ARHGEF3: variants seen among roughly 807,000 people sequenced by gnomAD.
ARHGEF3 encodes the protein Rho guanine nucleotide exchange factor 3.
In ARHGEF3, 28 loss-of-function variants were observed where a neutral mutation model predicts 63.2. That is an observed-to-expected ratio of 0.44 (90% CI 0.33 to 0.61). ARHGEF3 has a LOEUF of 0.61. Among genes scored for constraint, ARHGEF3 ranks in the 20% least tolerant of loss-of-function variants. ARHGEF3 has a pLI of 0.03. For missense variants in ARHGEF3, 533 were observed against 659.3 expected (o/e 0.81, Z 2.10); for synonymous variants, 266 against 254.2 (o/e 1.05, Z -0.44).
intron 3 of ARHGEF3, among the ~76,000 whole-genome samples, chr3:56,889,046 G>A (rs1317265964): frequency 6.6e-6 from 1 of 152,030 alleles, no homozygotes; most frequent in African/African-American, 2.4e-5. Context: ...AGTGAACATT[G>A]CCAGAGACTC....
Position 56,968,233 on chromosome 3 carries a change from T to G in ARHGEF3, c.63-9344A>C, listed in dbSNP as rs1238674391. The stretch of plus-strand genomic sequence containing the variant: ...ATATATATTATATATAATATATATA[T>G]AAATATATATATTAATATATAATAT... On this transcript the variant is annotated intron_variant, in intron 2 of 12. Coordinates refer to the ARHGEF3 transcript ENST00000338458. 5.4e-5 allele frequency among the ~76,000 whole-genome samples: 2 copies of G among 37,154 alleles called. 1 individual carries two copies. Among genetic ancestry groups the G allele is most frequent in the African/African-American group, 1.8e-4 (2 of 11,270 alleles). The allele number at this position is 37,154 out of a possible 152,430, so 24.4% of individuals were successfully genotyped here. A position where few individuals can be genotyped will look rare whatever the true frequency, so the allele number is the denominator to read the frequency against.
intron 7 of ARHGEF3, among the ~76,000 whole-genome samples, chr3:56,742,041 A>G (rs1457153192): frequency 2.0e-5 from 3 of 152,222 alleles, no homozygotes; most frequent in African/African-American, 7.2e-5. Context: ...TCATCCTCAA[A>G]GTGGACTCTG....
At chr3:57,073,814 C>A (rs201831830) in intron 1 of ARHGEF3, 1 of 1,614,220 alleles carries the variant, frequency 6.2e-7, no homozygotes, top group East Asian at 2.2e-5. Context: ...TTGGGTCATC[C>A]ACCCAACATC....
At chr3:56,954,245 T>C (rs1415882278) in intron 3 of ARHGEF3, among the ~76,000 whole-genome samples, 1 of 152,164 alleles carries the variant, frequency 6.6e-6, no homozygotes, top group East Asian at 1.9e-4. Context: ...TTACAGGCAA[T>C]GGCAGGAGCT....
chr3:56,808,648 TTTG>T (rs1381941462), intron 4 of ARHGEF3, among the ~76,000 whole-genome samples: 2 of 151,920 alleles, frequency 1.3e-5, no homozygotes, highest in Admixed American at 1.3e-4. Context: ...AGCAAATTTT[TTTG>T]TTTTTTCAAA....
intron 1 of ARHGEF3, among the ~76,000 whole-genome samples, chr3:57,042,694 A>ATTT (rs1340824293): frequency 2.4e-5 from 1 of 41,878 alleles, no homozygotes; most frequent in African/African-American, 8.1e-5. Flanking sequence ...ATATATATAT[A>ATTT]TATATATTTT....
At chr3:56,729,754 A>C (rs2032990160) in intron 9 of ARHGEF3, 132 bp from the exon 10 acceptor site, 1 of 733,062 alleles carries the variant, frequency 1.4e-6, no homozygotes, top group Non-Finnish European at 2.2e-6. Context: ...TTTCCCACTG[A>C]TCTGGGGCAT....
At chr3:56,936,249 C>G (rs908284067) in intron 3 of ARHGEF3, among the ~76,000 whole-genome samples, 1 of 152,030 alleles carries the variant, frequency 6.6e-6, no homozygotes, top group African/African-American at 2.4e-5. Context: ...GGAGGAGACA[C>G]CGGGAGCAGA....
intron 2 of ARHGEF3, among the ~76,000 whole-genome samples, chr3:57,002,479 T>TTATATATATATATATATATATATA: frequency 5.1e-5 from 2 of 39,466 alleles, no homozygotes; most frequent in African/African-American, 3.0e-4. Context: ...TATATATATG[T>TTATATATATATATATATATATATA]TATATATATA....
At chr3:56,934,298 G>A (rs889133799) in intron 3 of ARHGEF3, among the ~76,000 whole-genome samples, 6 of 152,234 alleles carry the variant, frequency 3.9e-5, no homozygotes, top group Admixed American at 1.3e-4. Flanking sequence ...ACGTGACAGC[G>A]TGCTGGCAGT....
intron 2 of ARHGEF3, among the ~76,000 whole-genome samples, chr3:56,990,806 G>A (rs1451821728): frequency 6.6e-6 from 1 of 152,204 alleles, no homozygotes; most frequent in African/African-American, 2.4e-5. Context: ...ATGAATGGCA[G>A]AGCTTAAATT....
At chr3:57,060,692 G>GCTCAC (rs976916180) in intron 1 of ARHGEF3, 5 of 152,282 alleles carry the variant, frequency 3.3e-5, no homozygotes, top group African/African-American at 1.2e-4. Context: ...CTTTGTGCAG[G>GCTCAC]CTCACCTTCC....
At chr3:56,974,847 T>C (rs190389889) in intron 2 of ARHGEF3, among the ~76,000 whole-genome samples, 156 of 152,298 alleles carry the variant, frequency 1.0e-3, no homozygotes, top group Non-Finnish European at 2.0e-3. Flanking sequence ...CAGATTGTTA[T>C]TTTTCTAAAG....
At chr3:56,732,129 G>T in intron 9 of ARHGEF3, 109 bp downstream of exon 9, 1 of 1,265,840 alleles carries the variant, frequency 7.9e-7, no homozygotes, top group Non-Finnish European at 1.1e-6. Context: ...GCATACAAAT[G>T]CAGTTTGACT....
At chr3:56,795,305 C>A (rs377455978) in intron 1 of ARHGEF3, among the ~76,000 whole-genome samples, 3 of 152,256 alleles carry the variant, frequency 2.0e-5, no homozygotes, top group East Asian at 3.9e-4. Flanking sequence ...CAGGCCTTTC[C>A]CACTCTGAAG....
At chr3:56,940,660 T>C (rs1040535206) in intron 3 of ARHGEF3, 2 of 151,972 alleles carry the variant, frequency 1.3e-5, no homozygotes, top group Admixed American at 6.6e-5. Context: ...AACCCAGGTA[T>C]GGTCGGTTTT....
chr3:56,875,231 G>C (rs2040547772), intron 4 of ARHGEF3, among the ~76,000 whole-genome samples: 1 of 152,046 alleles, frequency 6.6e-6, no homozygotes. Context: ...AGCTGCTCTT[G>C]TTGCTATGTA....
At chr3:57,010,795 T>C (rs1297168315) in intron 2 of ARHGEF3, among the ~76,000 whole-genome samples, 1 of 152,040 alleles carries the variant, frequency 6.6e-6, no homozygotes, top group Non-Finnish European at 1.5e-5. Flanking sequence ...TCTTGAAAAA[T>C]AGACTTGGGC....
At position 56,729,990 on chromosome 3, in the gene ARHGEF3, T is replaced by C. The variant is rs903420341; in HGVS notation, c.1229-368A>G. Among the ~76,000 whole-genome samples, 6 of 152,274 alleles carry C rather than the reference T, an allele frequency of 3.9e-5. No individual in the cohort carries two copies. In the East Asian group the frequency reaches 5.8e-4, roughly 15 times the overall value. On this transcript the variant is annotated intron_variant, in intron 9 of 9. Coordinates refer to ENST00000296315, the MANE Select transcript of ARHGEF3 (RefSeq NM_019555.3). ...AGACAGATGCGCTCAGAGGCTGAAG[T>C]GGGAGCACTGCTTGAGTCTAGGATT...
Sources: gnomAD v4.1 joint callset for allele counts (sites outside exome capture counted in the v4.1 genomes callset) on GRCh38, gnomAD v4.1.1 for gene constraint, MANE v1.5 for transcripts, NCBI Gene and HGNC (gene_info 2026-07-23, HGNC 2026-07-21) for gene names.